Variants in NFIA observed in about 807,000 individuals in gnomAD.
NFIA encodes the protein nuclear factor I A, also known as nuclear factor 1 A-type.
Under a neutral mutation model 62.8 loss-of-function variants are expected in NFIA, and 8 were observed. The observed-to-expected ratio is 0.13, with a 90% CI of 0.07 to 0.23. NFIA has a LOEUF of 0.23. NFIA is among the 10% of genes least tolerant of loss of function. The pLI, the probability that NFIA is intolerant of heterozygous loss-of-function variation, is 1.00. For synonymous variants in NFIA, 235 were observed against 238.1 expected (o/e 0.99, Z 0.12); for missense variants, 410 against 642.1 (o/e 0.64, Z 3.91).
intron 2 of NFIA, among the ~76,000 whole-genome samples, chr1:61,139,130 A>G (rs1647312587): frequency 6.6e-6 from 1 of 152,138 alleles, no homozygotes. Context: ...GTGAGCTAAG[A>G]TCACGTCACT....
intron 10 of NFIA, among the ~76,000 whole-genome samples, chr1:61,454,112 G>A (rs1207645653): frequency 2.0e-5 from 3 of 152,192 alleles, no homozygotes; most frequent in African/African-American, 4.8e-5. Flanking sequence ...CTTCCACAGG[G>A]ATGATCCTTC....
intron 2 of NFIA, among the ~76,000 whole-genome samples, chr1:61,101,413 A>T (rs957572151): frequency 1.3e-5 from 2 of 152,036 alleles, no homozygotes; most frequent in Non-Finnish European, 2.9e-5. Flanking sequence ...AAAAAAAAAA[A>T]AGTAGTTCGC....
chr1:61,147,741 A>G (rs1262335334), intron 2 of NFIA, among the ~76,000 whole-genome samples: 2 of 152,108 alleles, frequency 1.3e-5, no homozygotes, highest in East Asian at 1.9e-4. Context: ...GTAGTGCTTA[A>G]TGATACCATG....
chr1:61,204,624 C>CT (rs1190085387), intron 2 of NFIA, among the ~76,000 whole-genome samples: 3 of 152,008 alleles, frequency 2.0e-5, no homozygotes, highest in Non-Finnish European at 2.9e-5. Flanking sequence ...TAATTTCCAG[C>CT]TGTGGGTATT....
intron 2 of NFIA, among the ~76,000 whole-genome samples, chr1:61,099,974 T>C (rs1405557866): frequency 2.6e-5 from 4 of 152,214 alleles, no homozygotes; most frequent in Admixed American, 1.3e-4. Flanking sequence ...CAGACCCTTC[T>C]ATGGCCTGTT....
chr1:61,441,331 G>GTGTC (rs1188222630), intron 10 of NFIA, among the ~76,000 whole-genome samples: 6,626 of 142,178 alleles, frequency 0.047, 246 homozygotes, highest in African/African-American at 0.089. Context: ...GTGTGTGTGT[G>GTGTC]TGTCTGTCTG....
chr1:61,173,386 C>G (rs558370618), intron 2 of NFIA, among the ~76,000 whole-genome samples: 1 of 152,016 alleles, frequency 6.6e-6, no homozygotes, highest in Non-Finnish European at 1.5e-5. Context: ...TTATTTTCTT[C>G]TCTTTTCTTT....
intron 6 of NFIA, among the ~76,000 whole-genome samples, chr1:61,362,157 A>C (rs936697638): frequency 6.6e-6 from 1 of 152,146 alleles, no homozygotes; most frequent in Admixed American, 6.6e-5. Flanking sequence ...CATAAAGCCC[A>C]ATCCCCTTTT....
Position 61,459,036 on chromosome 1 carries a change from A to G in NFIA, c.*3716A>G, listed in dbSNP as rs919921381. 6.6e-6 allele frequency: 1 copy of G among 152,212 alleles called. No individual in the cohort carries two copies. Among genetic ancestry groups the G allele is most frequent in the African/African-American group, 2.4e-5 (1 of 41,454 alleles). 9.4% of individuals were successfully genotyped at this position (152,212 alleles called of 1,614,324 possible). A position where few individuals can be genotyped will look rare whatever the true frequency, so the allele number is the denominator to read the frequency against. ...GGAAACTATTCAGTTGTGATCAAGCAGGAAAAAAGAAACACCAACAGTTGC... is the reference window on the plus strand; with the variant it reads ...GGAAACTATTCAGTTGTGATCAAGCGGGAAAAAAGAAACACCAACAGTTGC... On this transcript the variant is annotated 3_prime_UTR_variant, in exon 11 of 11. Coordinates refer to ENST00000403491, the MANE Select transcript of NFIA (RefSeq NM_001134673.4).
chr1:61,336,196 T>C (rs192961735), intron 4 of NFIA, among the ~76,000 whole-genome samples: 3 of 152,342 alleles, frequency 2.0e-5, no homozygotes, highest in Admixed American at 2.0e-4. Flanking sequence ...TCTGTGCTTT[T>C]ATTGAATAAT....
intron 2 of NFIA, among the ~76,000 whole-genome samples, chr1:61,118,906 A>G (rs1052066457): frequency 3.3e-5 from 5 of 152,186 alleles, no homozygotes; most frequent in Non-Finnish European, 5.9e-5. Context: ...ACATAATTCA[A>G]GGAAATAATT....
chr1:61,362,882 A>G (rs1663375544), intron 6 of NFIA, among the ~76,000 whole-genome samples: 1 of 152,220 alleles, frequency 6.6e-6, no homozygotes, highest in Non-Finnish European at 1.5e-5. Flanking sequence ...ACAAATGCAC[A>G]TATCATCAAC....
chr1:61,127,150 A>G (rs1570216694), intron 2 of NFIA, among the ~76,000 whole-genome samples: 2 of 131,602 alleles, frequency 1.5e-5, no homozygotes, highest in Admixed American at 1.6e-4. Context: ...ACAGAACAAA[A>G]CTCCCATCTC....
At chr1:61,365,855 A>T (rs1663557755) in intron 6 of NFIA, among the ~76,000 whole-genome samples, 1 of 152,162 alleles carries the variant, frequency 6.6e-6, no homozygotes, top group East Asian at 1.9e-4. Context: ...AATCACGTGA[A>T]ATATCATCAT....
intron 3 of NFIA, among the ~76,000 whole-genome samples, chr1:61,282,190 CA>C (rs1658178656): frequency 6.6e-6 from 1 of 152,018 alleles, no homozygotes; most frequent in Non-Finnish European, 1.5e-5. Context: ...ACCCCCACTT[CA>C]ATGAGCAGGT....
chr1:61,396,105 A>T (rs1665254620), intron 7 of NFIA, among the ~76,000 whole-genome samples: 1 of 152,230 alleles, frequency 6.6e-6, no homozygotes, highest in African/African-American at 2.4e-5. Context: ...CTAGGGAGAG[A>T]GAAGCCACCC....
chr1:61,279,696 G>C (rs965138870), intron 3 of NFIA, among the ~76,000 whole-genome samples: 3 of 152,206 alleles, frequency 2.0e-5, no homozygotes, highest in Non-Finnish European at 4.4e-5. Flanking sequence ...TAGCAGGCCT[G>C]TGATTCATCT....
intron 6 of NFIA, among the ~76,000 whole-genome samples, chr1:61,366,247 A>G (rs1663578718): frequency 6.6e-6 from 1 of 152,200 alleles, no homozygotes; most frequent in Non-Finnish European, 1.5e-5. Context: ...TTGAGACCGC[A>G]TCTGCATTAA....
At chr1:61,316,786 C>CT (rs775546060) in intron 3 of NFIA, among the ~76,000 whole-genome samples, 14 of 152,182 alleles carry the variant, frequency 9.2e-5, no homozygotes, top group Non-Finnish European at 1.9e-4. Flanking sequence ...GTCGATCATT[C>CT]TCCTGCCTAA....
Sources: allele counts gnomAD v4.1 joint callset (sites outside exome capture counted in the v4.1 genomes callset), GRCh38; gene constraint gnomAD v4.1.1; transcripts MANE v1.5; gene names NCBI Gene and HGNC (gene_info 2026-07-23, HGNC 2026-07-21).